The following CEP83 variants were observed in gnomAD, a reference collection of about 807,000 sequenced individuals.
CEP83 encodes the protein centrosomal protein 83, also known as centrosomal protein of 83 kDa.
CEP83 carries 70 observed loss-of-function variants against 101.9 expected under a neutral mutation model. The ratio of observed to expected loss-of-function variants is 0.69; its 90% CI spans 0.57 to 0.84. The LOEUF is 0.84. Among genes scored for constraint, CEP83 ranks in the 40% least tolerant of loss-of-function variants. CEP83 has a pLI of 0.00. For synonymous variants in CEP83, 264 were observed against 267.9 expected (o/e 0.99, Z 0.14); for missense variants, 715 against 787.2 (o/e 0.91, Z 1.10).
At chr12:94,371,298 G>C (rs1407001089) in intron 8 of CEP83, among the ~76,000 whole-genome samples, 1 of 151,824 alleles carries the variant, frequency 6.6e-6, no homozygotes. Context: ...GGCAAGAAAT[G>C]AATAAACGGA....
At chr12:94,289,835 C>T in the CEP83 span, among the ~76,000 whole-genome samples, 1 of 152,154 alleles carries the variant, frequency 6.6e-6, no homozygotes, top group Non-Finnish European at 1.5e-5. Context: ...TAGAAATGCA[C>T]TCACACATAC....
intron 14 of CEP83, among the ~76,000 whole-genome samples, chr12:94,317,129 T>C (rs1231333148): frequency 6.6e-6 from 1 of 152,210 alleles, no homozygotes; most frequent in Non-Finnish European, 1.5e-5. Context: ...TGGTGTAAGA[T>C]GGTATCTCAT....
intron 11 of CEP83, among the ~76,000 whole-genome samples, chr12:94,347,080 C>A (rs28778349): frequency 1.4e-5 from 2 of 142,540 alleles, no homozygotes; most frequent in South Asian, 2.2e-4. Flanking sequence ...CACATACACA[C>A]ACACACACAC....
intron 11 of CEP83, among the ~76,000 whole-genome samples, chr12:94,342,207 A>C (rs1565944935): frequency 6.6e-6 from 1 of 152,226 alleles, no homozygotes; most frequent in Non-Finnish European, 1.5e-5. Flanking sequence ...AATGCAGATC[A>C]AGAACTCTGT....
intron 1 of CEP83, among the ~76,000 whole-genome samples, chr12:94,439,168 A>C (rs560797974): frequency 6.6e-6 from 1 of 152,284 alleles, no homozygotes; most frequent in East Asian, 1.9e-4. Context: ...AAGAAATAAC[A>C]AAGATCAGAA....
At chr12:94,297,145 T>G in the CEP83 span, 4 of 1,609,710 alleles carry the variant, frequency 2.5e-6, no homozygotes, top group African/African-American at 5.4e-5. Flanking sequence ...CATGGTTGCT[T>G]TTTTTAATGG....
At chr12:94,313,549 G>T (rs1287718967) in intron 14 of CEP83, among the ~76,000 whole-genome samples, 1 of 138,364 alleles carries the variant, frequency 7.2e-6, no homozygotes, top group African/African-American at 2.7e-5. Context: ...AAAAAAAAAA[G>T]GGTGGGGAGC....
At chr12:94,430,357 A>G (rs1452146041) in intron 2 of CEP83, among the ~76,000 whole-genome samples, 2 of 152,212 alleles carry the variant, frequency 1.3e-5, no homozygotes, top group Non-Finnish European at 2.9e-5. Context: ...ATACTGAAAA[A>G]TAACATAAAG....
At chr12:94,374,439 A>T (rs992891103) in intron 8 of CEP83, among the ~76,000 whole-genome samples, 2 of 152,322 alleles carry the variant, frequency 1.3e-5, no homozygotes, top group African/African-American at 4.8e-5. Flanking sequence ...AATAATTTAT[A>T]CTGGAATTGG....
the CEP83 span, chr12:94,282,125 CAAACAAAGT>C: frequency 1.5e-5 from 8 of 526,104 alleles, no homozygotes; most frequent in Admixed American, 1.1e-4. Context: ...CCTAAACAAA[CAAACAAAGT>C]AAAACAGAAC....
intron 11 of CEP83, among the ~76,000 whole-genome samples, chr12:94,367,495 A>T (rs143950358): frequency 6.6e-6 from 1 of 152,160 alleles, no homozygotes; most frequent in East Asian, 1.9e-4. Context: ...CCAGATTAAA[A>T]GTAACTAAAT....
At chr12:94,454,084 A>C (rs1055496389) in intron 1 of CEP83, among the ~76,000 whole-genome samples, 2 of 151,178 alleles carry the variant, frequency 1.3e-5, no homozygotes. Context: ...TGACAGAGTA[A>C]GACTATGTCT....
intron 11 of CEP83, among the ~76,000 whole-genome samples, chr12:94,341,290 T>A (rs1002092121): frequency 6.6e-6 from 1 of 152,214 alleles, no homozygotes; most frequent in Non-Finnish European, 1.5e-5. Context: ...TGTAATAGAT[T>A]AATATCTACT....
chr12:94,376,542 C>T (rs1278601786), intron 7 of CEP83, among the ~76,000 whole-genome samples: 2 of 151,904 alleles, frequency 1.3e-5, no homozygotes, highest in East Asian at 1.9e-4. Flanking sequence ...CTCTTGATCT[C>T]ATGACACAAT....
intron 8 of CEP83, among the ~76,000 whole-genome samples, chr12:94,371,128 T>C (rs1593483510): frequency 1.3e-5 from 2 of 152,236 alleles, no homozygotes; most frequent in African/African-American, 2.4e-5. Flanking sequence ...GCATTACATG[T>C]AGAGCACCGG....
intron 6 of CEP83, among the ~76,000 whole-genome samples, chr12:94,393,705 G>A (rs2062707403): frequency 6.6e-6 from 1 of 152,204 alleles, no homozygotes; most frequent in Non-Finnish European, 1.5e-5. Context: ...CAGATGATAT[G>A]ATTGTATATT....
the CEP83 span, chr12:94,297,079 C>CA: frequency 9.7e-7 from 1 of 1,029,566 alleles, no homozygotes; most frequent in Non-Finnish European, 1.5e-6. Context: ...TCAAAAAGCT[C>CA]AAGTAACTTC....
chr12:94,434,728 G>A (rs997891173), intron 2 of CEP83, among the ~76,000 whole-genome samples: 2 of 152,286 alleles, frequency 1.3e-5, no homozygotes, highest in East Asian at 1.9e-4. Flanking sequence ...GGGATGGGAC[G>A]CAAGTCTAAA....
At chr12:94,366,418 G>T (rs1309915238) in intron 11 of CEP83, among the ~76,000 whole-genome samples, 1 of 152,100 alleles carries the variant, frequency 6.6e-6, no homozygotes, top group Non-Finnish European at 1.5e-5. Flanking sequence ...TAATAGGTTT[G>T]TTTTTCATTG....
Sources: gnomAD v4.1 joint callset for allele counts (sites outside exome capture counted in the v4.1 genomes callset) on GRCh38, gnomAD v4.1.1 for gene constraint, MANE v1.5 for transcripts, NCBI Gene and HGNC (gene_info 2026-07-23, HGNC 2026-07-21) for gene names.